Variants in AAK1 observed in about 807,000 individuals in gnomAD.
AAK1 encodes AP2 associated kinase 1, also known as AP2-associated protein kinase 1.
In AAK1, 37 loss-of-function variants were observed where a neutral mutation model predicts 116.0. The ratio of observed to expected loss-of-function variants is 0.32; its 90% CI spans 0.25 to 0.42. The LOEUF is 0.42. Among genes scored for constraint, AAK1 ranks in the 10% least tolerant of loss-of-function variants. The pLI, the probability that AAK1 is intolerant of heterozygous loss-of-function variation, is 1.00. For synonymous variants in AAK1, 458 were observed against 439.9 expected, an observed-to-expected ratio of 1.04 and a Z score of -0.51; for missense variants, 919 against 1,170.6, an observed-to-expected ratio of 0.79 and a Z score of 3.14.
intron 10 of AAK1, among the ~76,000 whole-genome samples, chr2:69,523,928 G>C (rs1217835868): frequency 6.6e-6 from 1 of 152,230 alleles, no homozygotes; most frequent in East Asian, 1.9e-4. Flanking sequence ...CCCTCTGTCT[G>C]GGTCAGACTT....
chr2:69,582,382 TGCAC>T (rs1672583986), intron 2 of AAK1, among the ~76,000 whole-genome samples: 2 of 145,908 alleles, frequency 1.4e-5, no homozygotes, highest in African/African-American at 2.8e-5. Context: ...TGCGTGTGTG[TGCAC>T]GTGTGTGTGT....
intron 17 of AAK1, among the ~76,000 whole-genome samples, chr2:69,485,657 C>T (rs1675267311): frequency 6.6e-6 from 1 of 151,438 alleles, no homozygotes; most frequent in East Asian, 1.9e-4. Flanking sequence ...AAGAAAATCT[C>T]TCTTTTTTTT....
chr2:69,483,684 G>T (rs142358754), intron 17 of AAK1, among the ~76,000 whole-genome samples: 2 of 151,996 alleles, frequency 1.3e-5, no homozygotes, highest in Non-Finnish European at 2.9e-5. Context: ...TGACTTCAAC[G>T]ATCATTTATT....
chr2:69,595,121 G>C lies in AAK1; in HGVS notation c.164-38143C>G, dbSNP rs1028447706. On this transcript the variant is annotated intron_variant, in intron 2 of 21. Transcript: ENST00000409085. ...TTTTGTTTCTTTTTTGTTTTGTTTT[G>C]TTTGTTTTTGAGATGGAGTTTCACT... The C allele has an allele frequency of 3.1e-5, 17 of 547,132 alleles. No individual in the cohort carries two copies. The East Asian group carries it at 6.6e-4, about 21-fold the overall frequency. 33.9% of individuals were successfully genotyped at this position (547,132 alleles called of 1,614,324 possible).
At chr2:69,575,967 A>G (rs1672299976) in intron 2 of AAK1, among the ~76,000 whole-genome samples, 9 of 152,190 alleles carry the variant, frequency 5.9e-5, no homozygotes. Context: ...AATTTCCTAG[A>G]AAATGTTTTC....
At chr2:69,497,176 C>T (rs1675777083) in intron 16 of AAK1, among the ~76,000 whole-genome samples, 1 of 151,692 alleles carries the variant, frequency 6.6e-6, no homozygotes, top group Admixed American at 6.6e-5. Context: ...TGAGGTCTTG[C>T]TATGTTAACT....
At chr2:69,580,497 T>C (rs767679572) in intron 2 of AAK1, among the ~76,000 whole-genome samples, 22 of 152,178 alleles carry the variant, frequency 1.4e-4, no homozygotes, top group Admixed American at 9.2e-4. Context: ...AGAGAAAGTC[T>C]ATCTGCATTA....
Position 69,505,552 on chromosome 2 carries a change from G to A in AAK1, c.2269+17C>T. ...AACAACAGTGAACCTCCCGTTCCAG[G>A]TATTTGCCATACTAACCAGTTCCAG... On this transcript the variant is annotated intron_variant, in intron 16 of 21. Coordinates refer to ENST00000409085, the MANE Select transcript of AAK1 (RefSeq NM_014911.5). 2 of 1,605,932 alleles carry A rather than the reference G, an allele frequency of 1.2e-6. No individual in the cohort carries two copies. Among genetic ancestry groups the A allele is most frequent in the Non-Finnish European group, 8.5e-7 (1 of 1,173,002 alleles).
intron 21 of AAK1, among the ~76,000 whole-genome samples, chr2:69,476,275 CTATA>C (rs1342859388): frequency 6.6e-6 from 1 of 152,108 alleles, no homozygotes; most frequent in African/African-American, 2.4e-5. Context: ...GAATTGCTGG[CTATA>C]TACCAACTTC....
chr2:69,477,225 C>A (rs1016335191), intron 20 of AAK1, among the ~76,000 whole-genome samples: 9 of 151,920 alleles, frequency 5.9e-5, no homozygotes, highest in Non-Finnish European at 1.2e-4. Context: ...GAAAAGGGTT[C>A]TTGGAAGAAT....
At chr2:69,597,707 C>CA (rs34117119) in intron 2 of AAK1, 50 of 146,998 alleles carry the variant, frequency 3.4e-4, no homozygotes, top group South Asian at 6.5e-4. Flanking sequence ...CCATCTCTAC[C>CA]AAAAAAAAAA....
chr2:69,514,439 C>G, intron 13 of AAK1, 32 bp downstream of exon 13: 1 of 1,502,376 alleles, frequency 6.7e-7, no homozygotes, highest in Non-Finnish European at 8.9e-7. Flanking sequence ...TCCTCTGCTG[C>G]TTTTGTGCTC....
Position 69,474,312 on chromosome 2 carries a change from G to C in AAK1, c.*1557C>G. The C allele has an allele frequency of 1.0e-6, 1 of 985,776 alleles. No homozygotes were observed. Among genetic ancestry groups the C allele is most frequent in the Non-Finnish European group, 1.2e-6 (1 of 829,932 alleles). 61.1% of individuals were successfully genotyped at this position (985,776 alleles called of 1,614,324 possible). A position where few individuals can be genotyped will look rare whatever the true frequency, so the allele number is the denominator to read the frequency against. ...ACTAAGAGTTTCCCTTTTGATGATG[G>C]ACAATGGCACTAGAGGAAAAGAACA... On this transcript the variant is annotated 3_prime_UTR_variant, in exon 22 of 22. Transcript: ENST00000409085.
intron 3 of AAK1, among the ~76,000 whole-genome samples, chr2:69,555,008 G>A (rs974990280): frequency 6.6e-6 from 1 of 152,136 alleles, no homozygotes; most frequent in African/African-American, 2.4e-5. Flanking sequence ...TTTTAAATAA[G>A]GAGGAGAAAG....
intron 2 of AAK1, among the ~76,000 whole-genome samples, chr2:69,625,838 G>T (rs1379845101): frequency 6.6e-6 from 1 of 152,160 alleles, no homozygotes; most frequent in Non-Finnish European, 1.5e-5. Flanking sequence ...ATAAGACCAG[G>T]CCATTCTTCT....
At chr2:69,505,193 T>C (rs1227121775) in intron 16 of AAK1, among the ~76,000 whole-genome samples, 1 of 152,100 alleles carries the variant, frequency 6.6e-6, no homozygotes, top group East Asian at 1.9e-4. Flanking sequence ...GAATATTTAA[T>C]TTTTAAAATT....
rs946838002 is a variant in AAK1 at position 69,478,809 on chromosome 2, A to C, written c.2680+142T>G. The stretch of plus-strand genomic sequence containing the variant: ...TGAGAGGTATTATAACACAGTATCT[A>C]GGAGATACTCAAGTTTTCCATACAA... On this transcript the variant is annotated intron_variant, in intron 20 of 21. Coordinates refer to ENST00000409085, the MANE Select transcript of AAK1 (RefSeq NM_014911.5). 2.4e-5 allele frequency: 16 copies of C among 663,886 alleles called. No homozygotes were observed. In the African/African-American group the frequency reaches 2.7e-4, roughly 11 times the overall value. The allele number at this position is 663,886 out of a possible 1,614,324, so 41.1% of individuals were successfully genotyped here.
At chr2:69,559,366 T>C (rs1258838597) in intron 2 of AAK1, among the ~76,000 whole-genome samples, 1 of 152,110 alleles carries the variant, frequency 6.6e-6, no homozygotes, top group Non-Finnish European at 1.5e-5. Context: ...CAGAATGTCT[T>C]GTAATAAAAA....
intron 2 of AAK1, among the ~76,000 whole-genome samples, chr2:69,625,444 C>T (rs1674852195): frequency 6.6e-6 from 1 of 152,202 alleles, no homozygotes; most frequent in African/African-American, 2.4e-5. Context: ...AGATCTATAA[C>T]AAAACAGTAA....
Sources: gnomAD v4.1 joint callset for allele counts (sites outside exome capture counted in the v4.1 genomes callset) on GRCh38, gnomAD v4.1.1 for gene constraint, MANE v1.5 for transcripts, NCBI Gene and HGNC (gene_info 2026-07-23, HGNC 2026-07-21) for gene names.